ST6GALNAC3: variants seen among roughly 807,000 people sequenced by gnomAD.
ST6GALNAC3 encodes the protein alpha-N-acetylgalactosaminide alpha-2,6-sialyltransferase 3.
ST6GALNAC3 carries 25 observed loss-of-function variants against 32.7 expected under a neutral mutation model. The ratio of observed to expected loss-of-function variants is 0.76; its 90% CI spans 0.56 to 1.07. The LOEUF is 1.07. Among genes scored for constraint, ST6GALNAC3 ranks in the 50% least tolerant of loss-of-function variants. The probability of loss-of-function intolerance (pLI) is 0.00; values close to 1 mark genes in which losing one functional copy is unlikely to be tolerated. For missense variants in ST6GALNAC3, 355 were observed against 382.4 expected, an observed-to-expected ratio of 0.93 and a Z score of 0.60; for synonymous variants, 129 against 133.1, an observed-to-expected ratio of 0.97 and a Z score of 0.21.
At chr1:76,281,224 G>A (rs17098538) in intron 1 of ST6GALNAC3, among the ~76,000 whole-genome samples, 19,465 of 152,032 alleles carry the variant, frequency 0.13, 1,868 homozygotes, top group East Asian at 0.3. Context: ...CCTTGAAATC[G>A]ATATAGATTT....
chr1:76,585,519 G>A lies in ST6GALNAC3; in HGVS notation c.624-41933G>A, dbSNP rs552008679. 2.8e-4 allele frequency among the ~76,000 whole-genome samples: 43 copies of A among 152,216 alleles called. No individual in the cohort carries two copies. The Middle Eastern group carries it at 0.017, about 60-fold the overall frequency. On this transcript the variant is annotated intron_variant, in intron 3 of 4. Transcript: ENST00000328299. ...CTTCCAGAGAGGCGAGAGCCTAAGC[G>A]CAGACACCACCTCCAAGGCATAGTT...
intron 1 of ST6GALNAC3, among the ~76,000 whole-genome samples, chr1:76,167,995 G>A (rs1652235798): frequency 6.6e-6 from 1 of 151,840 alleles, no homozygotes; most frequent in Admixed American, 6.6e-5. Context: ...CTTCTGCTCA[G>A]CTCTGATTTT....
chr1:76,545,445 A>T (rs1664235926), intron 3 of ST6GALNAC3, among the ~76,000 whole-genome samples: 4 of 152,136 alleles, frequency 2.6e-5, no homozygotes, highest in Admixed American at 2.6e-4. Context: ...AAGTTTCCAG[A>T]TCCTCCTGTT....
chr1:76,435,958 G>T (rs1193620453), intron 3 of ST6GALNAC3, among the ~76,000 whole-genome samples: 2 of 151,674 alleles, frequency 1.3e-5, no homozygotes. Flanking sequence ...AGCTTTTGGT[G>T]CACCCATCAC....
chr1:76,143,231 G>A (rs1315171343), intron 1 of ST6GALNAC3, among the ~76,000 whole-genome samples: 1 of 152,176 alleles, frequency 6.6e-6, no homozygotes. Flanking sequence ...CCACTAACTT[G>A]TCTTCTGTCT....
intron 1 of ST6GALNAC3, among the ~76,000 whole-genome samples, chr1:76,294,600 G>A (rs190606130): frequency 2.6e-5 from 4 of 152,044 alleles, no homozygotes; most frequent in South Asian, 2.1e-4. Flanking sequence ...TGTTTATAGC[G>A]GGTTTCATCT....
chr1:76,628,852 A>G lies in ST6GALNAC3; in HGVS notation c.*46A>G, dbSNP rs1400657910. ...CCGCATCACTTAATGTGATCCCCAT[A>G]CTGCAACTGTGATGCTGATGATGCT... On this transcript the variant is annotated 3_prime_UTR_variant, in exon 5 of 5. Coordinates refer to ENST00000328299, the MANE Select transcript of ST6GALNAC3 (RefSeq NM_152996.4). 6.3e-7 allele frequency: 1 copy of G among 1,594,802 alleles called. No individual in the cohort carries two copies. The highest frequency in any genetic ancestry group is 8.5e-7 in the Non-Finnish European group (1 of 1,174,272).
At chr1:76,489,330 A>G (rs575545803) in intron 3 of ST6GALNAC3, among the ~76,000 whole-genome samples, 112 of 152,054 alleles carry the variant, frequency 7.4e-4, no homozygotes, top group Non-Finnish European at 1.2e-3. Context: ...TTATTCAACA[A>G]ATATTTATTG....
intron 3 of ST6GALNAC3, among the ~76,000 whole-genome samples, chr1:76,490,136 C>T (rs1023041669): frequency 3.3e-5 from 5 of 152,038 alleles, no homozygotes; most frequent in Admixed American, 3.3e-4. Context: ...TCTCCTGACC[C>T]GAAAATAGCC....
At chr1:76,566,214 A>T (rs1665546494) in intron 3 of ST6GALNAC3, among the ~76,000 whole-genome samples, 1 of 152,158 alleles carries the variant, frequency 6.6e-6, no homozygotes, top group Admixed American at 6.5e-5. Flanking sequence ...GGACTAATAT[A>T]TGTAATAGCT....
At chr1:76,212,459 CCG>C (rs1271600465) in intron 1 of ST6GALNAC3, among the ~76,000 whole-genome samples, 1 of 152,046 alleles carries the variant, frequency 6.6e-6, no homozygotes, top group Non-Finnish European at 1.5e-5. Context: ...TTGGCAGCTT[CCG>C]TTTTTTTGAT....
At chr1:76,090,788 C>A (rs1647033972) in intron 1 of ST6GALNAC3, among the ~76,000 whole-genome samples, 1 of 152,166 alleles carries the variant, frequency 6.6e-6, no homozygotes, top group African/African-American at 2.4e-5. Context: ...ACTTTGGGGG[C>A]TGGTGGGACA....
intron 3 of ST6GALNAC3, among the ~76,000 whole-genome samples, chr1:76,478,077 C>T (rs1174247724): frequency 6.6e-6 from 1 of 152,130 alleles, no homozygotes; most frequent in Non-Finnish European, 1.5e-5. Context: ...AGGACCTGCT[C>T]CTTACTGGGG....
chr1:76,608,415 T>A (rs1384217107), intron 3 of ST6GALNAC3, among the ~76,000 whole-genome samples: 1 of 152,032 alleles, frequency 6.6e-6, no homozygotes, highest in East Asian at 1.9e-4. Context: ...GACAACAAAT[T>A]TAAAAATCTC....
At chr1:76,459,501 T>C (rs1658125597) in intron 3 of ST6GALNAC3, among the ~76,000 whole-genome samples, 2 of 151,898 alleles carry the variant, frequency 1.3e-5, no homozygotes, top group South Asian at 2.1e-4. Flanking sequence ...GAGGCAGAGC[T>C]TGCAGTGAGT....
intron 3 of ST6GALNAC3, among the ~76,000 whole-genome samples, chr1:76,445,151 C>T (rs1012547285): frequency 7.2e-4 from 109 of 152,258 alleles, no homozygotes; most frequent in African/African-American, 2.5e-3. Context: ...GAACCACTTA[C>T]GATGCAACTT....
chr1:76,127,730 G>T (rs1029903176), intron 1 of ST6GALNAC3, among the ~76,000 whole-genome samples: 3 of 152,102 alleles, frequency 2.0e-5, no homozygotes, highest in Non-Finnish European at 2.9e-5. Context: ...TCTGAGATGA[G>T]ACAGTGATAA....
intron 1 of ST6GALNAC3, among the ~76,000 whole-genome samples, chr1:76,292,952 C>T (rs1185475898): frequency 6.6e-6 from 1 of 152,122 alleles, no homozygotes; most frequent in Non-Finnish European, 1.5e-5. Flanking sequence ...TCAACTCCCT[C>T]TTCCCTGTGA....
At position 76,446,983 on chromosome 1, in the gene ST6GALNAC3, A is replaced by G. The variant is rs374550313; in HGVS notation, c.623+34566A>G. 8.9e-4 allele frequency among the ~76,000 whole-genome samples: 136 copies of G among 152,318 alleles called. 1 individual carries two copies. Among genetic ancestry groups the G allele is most frequent in the Middle Eastern group, 3.4e-3 (1 of 294 alleles). The stretch of plus-strand genomic sequence containing the variant: ...GGGGCACTGCTGAAAAGATACCTAA[A>G]AACGTGGAAGCAACTTTGGAACTGG... On this transcript the variant is annotated intron_variant, in intron 3 of 4. Coordinates refer to ENST00000328299, the MANE Select transcript of ST6GALNAC3 (RefSeq NM_152996.4).
Sources: allele counts gnomAD v4.1 joint callset (sites outside exome capture counted in the v4.1 genomes callset), GRCh38; gene constraint gnomAD v4.1.1; transcripts MANE v1.5; gene names NCBI Gene and HGNC (gene_info 2026-07-23, HGNC 2026-07-21).